SPAG5: variants seen among roughly 807,000 people sequenced by gnomAD.
SPAG5 encodes sperm-associated antigen 5.
SPAG5 carries 99 observed loss-of-function variants against 145.4 expected under a neutral mutation model. The ratio of observed to expected loss-of-function variants is 0.68; its 90% CI spans 0.58 to 0.80. The LOEUF (loss-of-function observed/expected upper bound fraction) is 0.80, where lower values mean the gene tolerates loss of function less well. Among genes scored for constraint, SPAG5 ranks in the 30% least tolerant of loss-of-function variants. SPAG5 has a pLI of 0.00. For missense variants in SPAG5, 1,192 were observed against 1,416.0 expected (o/e 0.84, Z 2.54); for synonymous variants, 477 against 525.4 (o/e 0.91, Z 1.26).
rs772678162 is a variant in SPAG5 at position 28,592,167 on chromosome 17, G to A, written c.1077C>T (p.Leu359=). 6.2e-7 allele frequency: 1 copy of A among 1,614,182 alleles called. No homozygotes were observed. Among genetic ancestry groups the A allele is most frequent in the South Asian group, 1.1e-5 (1 of 91,080 alleles). Residue 359 remains leucine (L), a synonymous_variant, in exon 3 of 24, where the codon CTC becomes CTT. Transcript: ENST00000321765. ...TCGAGGGAAGGGATAAGCTTTGGCG[G>A]AGATTTTCCAGCATGACGGAGGTAT... ...GVNTSVMLEN[L]RQSLSLPSML...
rs1334728324 is a variant in SPAG5 at position 28,579,373 on chromosome 17, C to G, written c.2997G>C (p.Gln999His). 1 of 1,614,112 alleles carries G rather than the reference C, an allele frequency of 6.2e-7. No individual in the cohort carries two copies. ...ESKEEAIRTL[Q>H]RKICELQARL... ...AACTGCATCCCACTCACATTTTTCG[C>G]TGCAGAGTCCTGATGGCTTCTTCTT... The change falls in exon 18 of 24, where the codon CAG becomes CAC. Residue 999 changes from glutamine to histidine, a missense_variant. By Grantham distance (24) the Gln-to-His change is conservative (BLOSUM62 0). Transcript: ENST00000321765.
chr17:28,580,719 T>C (rs1173840073), intron 15 of SPAG5: 1 of 152,234 alleles, frequency 6.6e-6, no homozygotes, highest in African/African-American at 2.4e-5. Context: ...TCACAGGTCC[T>C]TCCTTAACTG....
chr17:28,590,810 A>G (rs2070615375), intron 4 of SPAG5, among the ~76,000 whole-genome samples: 1 of 139,690 alleles, frequency 7.2e-6, no homozygotes, highest in African/African-American at 2.7e-5. Flanking sequence ...CAGAGGTTGC[A>G]GTGAGCCGAG....
chr17:28,587,391 A>G (rs1172636905), intron 4 of SPAG5, among the ~76,000 whole-genome samples: 1 of 150,760 alleles, frequency 6.6e-6, no homozygotes, highest in Non-Finnish European at 1.5e-5. Flanking sequence ...TACTAAAACT[A>G]CAAAATTAGC....
intron 2 of SPAG5, among the ~76,000 whole-genome samples, chr17:28,593,885 T>C (rs540171650): frequency 1.6e-4 from 25 of 152,128 alleles, no homozygotes; most frequent in South Asian, 1.0e-3. Flanking sequence ...ATAAATATTA[T>C]TTTAAATAAA....
intron 22 of SPAG5, 29 bp downstream of exon 22, chr17:28,578,189 T>C: frequency 6.2e-7 from 1 of 1,613,248 alleles, no homozygotes; most frequent in Non-Finnish European, 8.5e-7. Flanking sequence ...TGGTAGGAAA[T>C]GGCCCTGGAA....
At chr17:28,591,908 AGGAGGGGAAGGGATG>A (rs1157657485) in intron 3 of SPAG5, 36 bp from the exon 4 acceptor site, 10 of 1,609,902 alleles carry the variant, frequency 6.2e-6, no homozygotes, top group Admixed American at 5.0e-5. Flanking sequence ...CGAAAAGAAA[AGGAGGGGAAGGGATG>A]GGAGGGGAAG....
intron 2 of SPAG5, among the ~76,000 whole-genome samples, chr17:28,594,281 A>G (rs1464483011): frequency 6.6e-6 from 1 of 152,226 alleles, no homozygotes; most frequent in Non-Finnish European, 1.5e-5. Flanking sequence ...TTAGATAGAA[A>G]GTCCAATTAT....
At position 28,583,663 on chromosome 17, in the gene SPAG5, C is replaced by G. The variant is rs2070563621; in HGVS notation, c.2547-14G>C. The G allele has an allele frequency of 6.3e-7, 1 of 1,588,674 alleles. No homozygotes were observed. Among genetic ancestry groups the G allele is most frequent in the Non-Finnish European group, 8.5e-7 (1 of 1,170,200 alleles). ...GCCAGTTTAGCCCTGAAATAAGGAA[C>G]AGGGAAGATGACCAAAGACCAAATT... On this transcript the variant is annotated splice_polypyrimidine_tract_variant and intron_variant, in intron 14 of 23. Transcript: ENST00000321765.
Position 28,590,868 on chromosome 17 carries a change from CAAAAAAAAAAAAAA to C in SPAG5, c.1437+816_1437+829del, listed in dbSNP as rs60727111. Reference sequence around the variant, plus strand: ...TGGGTGACAGAGTGAGACTCCGTCTCAAAAAAAAAAAAAAAAAAAAAAAAACTAAAAGTATAATT... The same window carrying C: ...TGGGTGACAGAGTGAGACTCCGTCTCAAAAAAAAAAACTAAAAGTATAATT... On this transcript the variant is annotated intron_variant, in intron 4 of 23. Transcript: ENST00000321765. Among the ~76,000 whole-genome samples the C allele has an allele frequency of 5.9e-3, 221 of 37,438 alleles. 3 individuals are homozygous for C. Among genetic ancestry groups the C allele is most frequent in the Non-Finnish European group, 8.3e-3 (169 of 20,328 alleles). The allele number at this position is 37,438 out of a possible 152,430, so 24.6% of individuals were successfully genotyped here. A position where few individuals can be genotyped will look rare whatever the true frequency, so the allele number is the denominator to read the frequency against.
chr17:28,594,926 C>T (rs757480967), intron 2 of SPAG5, among the ~76,000 whole-genome samples: 4 of 152,004 alleles, frequency 2.6e-5, no homozygotes, highest in Admixed American at 1.3e-4. Flanking sequence ...CACCACTGCA[C>T]TCTAGCCTGG....
At position 28,577,998 on chromosome 17, in the gene SPAG5, T is replaced by A. The variant is rs1271154439; in HGVS notation, c.3510+12A>T. 6.2e-7 allele frequency: 1 copy of A among 1,608,696 alleles called. No individual in the cohort carries two copies. The highest frequency in any genetic ancestry group is 8.5e-7 in the Non-Finnish European group (1 of 1,175,072). ...AGGTTCATTAGTGATATCACCTCCCTCCTGCCTATACCTTATAAATATGCT... is the reference window on the plus strand; with the variant it reads ...AGGTTCATTAGTGATATCACCTCCCACCTGCCTATACCTTATAAATATGCT... On this transcript the variant is annotated intron_variant, in intron 23 of 23. Coordinates refer to ENST00000321765, the MANE Select transcript of SPAG5 (RefSeq NM_006461.4).
In SPAG5 at chr17:28,595,884, TA is replaced by T. The variant is rs1405457890; in HGVS notation, c.177+2625del. 8.0e-4 allele frequency among the ~76,000 whole-genome samples: 122 copies of T among 151,632 alleles called. 1 individual carries two copies. The highest frequency in any genetic ancestry group is 7.2e-4 in the Admixed American group (11 of 15,254). On this transcript the variant is annotated intron_variant, in intron 2 of 23. Coordinates refer to ENST00000321765, the MANE Select transcript of SPAG5 (RefSeq NM_006461.4). Reference sequence around the variant, plus strand: ...CAACATGGTGAAACCCTGTCTCTACTAAAAATACAAAAATTACCTGGGCGTA... The same window carrying T: ...CAACATGGTGAAACCCTGTCTCTACTAAAATACAAAAATTACCTGGGCGTA...
At chr17:28,579,865 G>A in intron 16 of SPAG5, 28 bp from the exon 17 acceptor site, 1 of 1,603,940 alleles carries the variant, frequency 6.2e-7, no homozygotes, top group Non-Finnish European at 8.5e-7. Context: ...AATGGGAGAG[G>A]GCCCCTCTGA....
chr17:28,579,608 T>C (rs1007072761), intron 17 of SPAG5, 123 bp from the exon 18 acceptor site: 30 of 1,407,888 alleles, frequency 2.1e-5, no homozygotes, highest in Non-Finnish European at 2.9e-5. Flanking sequence ...GTCTGGAACA[T>C]TACAGATCCC....
chr17:28,591,916 A>G (rs1246954972), intron 3 of SPAG5, 44 bp from the exon 4 acceptor site: 1 of 1,609,702 alleles, frequency 6.2e-7, no homozygotes. Flanking sequence ...AAAGGAGGGG[A>G]AGGGATGGGA....
rs768937910 is a variant in SPAG5 at position 28,592,759 on chromosome 17, C to T, written c.485G>A (p.Gly162Glu). The T allele has an allele frequency of 5.0e-6, 8 of 1,614,172 alleles. No homozygotes were observed. In the African/African-American group the frequency reaches 9.3e-5, roughly 19 times the overall value. Residue 162 changes from glycine (G) to glutamate (E), a missense_variant, in exon 3 of 24, where the codon GGA becomes GAA. Transcript: ENST00000321765. Reference protein sequence around the residue: ...MAETNSISLNGPLRTDDLVRE... With the variant: ...MAETNSISLNEPLRTDDLVRE... ...CACCAGATCGTCTGTTCTCAAAGGT[C>T]CATTTAAAGATATGCTGTTTGTCTC...
Position 28,585,981 on chromosome 17 carries a change from T to C in SPAG5, c.1623A>G (p.Thr541=), listed in dbSNP as rs758704835. ...TVSQESRRAE[T]LVCCCFDLLK... ...GCAAATCAAAACAGCAACAGACCAA[T>C]GTTTCTGCACGCCGAGACTATATGG... The change falls in exon 7 of 24, where the codon ACA becomes ACG. Residue 541 remains threonine (T), a synonymous_variant. Transcript: ENST00000321765. The C allele has an allele frequency of 1.2e-6, 2 of 1,614,238 alleles. No homozygotes were observed. The highest frequency in any genetic ancestry group is 2.2e-5 in the South Asian group (2 of 91,084).
Position 28,592,156 on chromosome 17 carries a change from A to C in SPAG5, c.1088T>G (p.Leu363Ter), listed in dbSNP as rs755049878. The C allele has an allele frequency of 7.4e-6, 12 of 1,614,048 alleles. No homozygotes were observed. The highest frequency in any genetic ancestry group is 2.5e-6 in the Non-Finnish European group (3 of 1,180,020). The change falls in exon 3 of 24, where the codon TTA becomes TGA. Residue 363 changes from leucine to a stop codon, truncating the protein, a stop_gained. Transcript: ENST00000321765. LOFTEE classifies it high-confidence loss of function. The part of the protein sequence containing the change: ...SVMLENLRQS[L>*]SLPSMLRDAA... Reference sequence around the variant, plus strand: ...ATCCCGAAGCATCGAGGGAAGGGATAAGCTTTGGCGGAGATTTTCCAGCAT... The same window carrying C: ...ATCCCGAAGCATCGAGGGAAGGGATCAGCTTTGGCGGAGATTTTCCAGCAT...
Sources: allele counts gnomAD v4.1 joint callset (sites outside exome capture counted in the v4.1 genomes callset), GRCh38; gene constraint gnomAD v4.1.1; transcripts MANE v1.5; gene names NCBI Gene and HGNC (gene_info 2026-07-23, HGNC 2026-07-21).